The following ABCC8 variants were observed in gnomAD, a reference collection of about 807,000 sequenced individuals.
ABCC8 encodes ATP binding cassette subfamily C member 8.
Under a neutral mutation model 188.0 loss-of-function variants are expected in ABCC8, and 137 were observed. The ratio of observed to expected loss-of-function variants is 0.73; its 90% confidence interval spans 0.63 to 0.84. The LOEUF (loss-of-function observed/expected upper bound fraction) is 0.84. Ranked by LOEUF, ABCC8 falls within the 40% of genes least tolerant of loss-of-function variation. The pLI, the probability that ABCC8 is intolerant of heterozygous loss-of-function variation, is 0.00. For missense variants in ABCC8, 1,750 were observed against 2,072.7 expected (o/e 0.84, Z 3.02); for synonymous variants, 797 against 846.5 (o/e 0.94, Z 1.01).
intron 8 of ABCC8, among the ~76,000 whole-genome samples, chr11:17,445,942 G>C (rs1213944160): frequency 4.0e-5 from 6 of 151,452 alleles, no homozygotes; most frequent in Non-Finnish European, 8.8e-5. Context: ...CCGTGCAGCA[G>C]GTTTAGTAGA....
chr11:17,427,010 G>T lies in ABCC8; in HGVS notation c.2222+39C>A. 2 of 1,608,860 alleles carry T rather than the reference G, an allele frequency of 1.2e-6. No individual in the cohort carries two copies. The highest frequency in any genetic ancestry group is 1.1e-5 in the South Asian group (1 of 90,270). ...CAACTGAGGAGGATGGTTAAAAGGA[G>T]ATTTCCCCTCCACTGGGCCCTGAGG... On this transcript the variant is annotated intron_variant, in intron 16 of 38. Coordinates refer to ENST00000389817, the MANE Select transcript of ABCC8 (RefSeq NM_000352.6). The surrounding 1 kb of genome is among the most constrained non-coding windows in gnomAD (Gnocchi z 5.0).
chr11:17,467,042 CCACACACACACACACACA>C (rs569546580), intron 3 of ABCC8, among the ~76,000 whole-genome samples: 6 of 132,386 alleles, frequency 4.5e-5, no homozygotes, highest in South Asian at 2.7e-4. Context: ...ACATGTTAAA[CCACACACACACACACACA>C]CACACACACA....
chr11:17,438,112 A>C (rs1034726803), intron 10 of ABCC8, among the ~76,000 whole-genome samples: 2 of 152,062 alleles, frequency 1.3e-5, no homozygotes, highest in Admixed American at 6.5e-5. Flanking sequence ...AAACAACAAC[A>C]ACCAAAAGAA....
rs1480852254 is a variant in ABCC8 at position 17,475,035 on chromosome 11, G to A, written c.149-8C>T. On this transcript the variant is annotated splice_region_variant and splice_polypyrimidine_tract_variant and intron_variant, in intron 1 of 38. Transcript: ENST00000389817. ...AGCTCTGACTTCCCCATCCTGCAGGGAGAGACAGTCAGAGGCAGGATGCCT... is the reference window on the plus strand; with the variant it reads ...AGCTCTGACTTCCCCATCCTGCAGGAAGAGACAGTCAGAGGCAGGATGCCT... 1 of 1,614,006 alleles carries A rather than the reference G, an allele frequency of 6.2e-7. No homozygotes were observed. The highest frequency in any genetic ancestry group is 2.2e-5 in the East Asian group (1 of 44,884).
chr11:17,393,465 GAGA>G (rs1953735073), intron 38 of ABCC8, among the ~76,000 whole-genome samples: 1 of 152,178 alleles, frequency 6.6e-6, no homozygotes, highest in African/African-American at 2.4e-5. Context: ...TTGGAACCTG[GAGA>G]AGGAGAGGGG....
rs1165894128 is a variant in ABCC8 at position 17,453,112 on chromosome 11, C to T, written c.1176+7G>A. On this transcript the variant is annotated splice_region_variant and intron_variant, in intron 7 of 38. Coordinates refer to ENST00000389817, the MANE Select transcript of ABCC8 (RefSeq NM_000352.6). ...ATGGCAAAGTGAAAAAATAATCATCCAAGTACCTGTATTGCTCCTCTCAAG... is the reference window on the plus strand; with the variant it reads ...ATGGCAAAGTGAAAAAATAATCATCTAAGTACCTGTATTGCTCCTCTCAAG... 2.5e-6 allele frequency: 4 copies of T among 1,608,512 alleles called. No individual in the cohort carries two copies. The East Asian group carries it at 8.9e-5, about 36-fold the overall frequency.
intron 23 of ABCC8, 110 bp from the exon 24 acceptor site, chr11:17,407,563 T>C: frequency 6.5e-7 from 1 of 1,547,290 alleles, no homozygotes; most frequent in Admixed American, 1.9e-5. Flanking sequence ...ATTTCTACTT[T>C]GTCCCTGCCT....
chr11:17,428,139 T>C, intron 14 of ABCC8, 150 bp downstream of exon 14: 3 of 1,550,820 alleles, frequency 1.9e-6, no homozygotes, highest in Non-Finnish European at 2.6e-6. Flanking sequence ...CCCCACTTGG[T>C]GGTCCCTGGT....
intron 5 of ABCC8, 168 bp downstream of exon 5, chr11:17,461,415 C>A: frequency 1.2e-6 from 1 of 848,574 alleles, no homozygotes; most frequent in African/African-American, 1.7e-5. Flanking sequence ...CTCAGCCCTG[C>A]ACCTGTCCCT....
chr11:17,419,278 C>T (rs780556377), intron 16 of ABCC8, among the ~76,000 whole-genome samples: 1 of 152,334 alleles, frequency 6.6e-6, no homozygotes, highest in African/African-American at 2.4e-5. Flanking sequence ...AAGCACACAG[C>T]TGAAAGCATG....
intron 10 of ABCC8, among the ~76,000 whole-genome samples, chr11:17,433,963 T>A (rs1206291846): frequency 1.3e-5 from 2 of 152,144 alleles, no homozygotes; most frequent in Non-Finnish European, 1.5e-5. Flanking sequence ...GCGTAAGTAT[T>A]ATTGGTGTTC....
chr11:17,434,287 C>T (rs746844011), intron 10 of ABCC8, among the ~76,000 whole-genome samples: 6 of 152,178 alleles, frequency 3.9e-5, no homozygotes, highest in Non-Finnish European at 7.4e-5. Flanking sequence ...GGCTTGACTC[C>T]CAGCCAAAAA....
At chr11:17,441,872 GAGTTCA>G (rs1956329668) in intron 10 of ABCC8, among the ~76,000 whole-genome samples, 1 of 152,178 alleles carries the variant, frequency 6.6e-6, no homozygotes, top group Non-Finnish European at 1.5e-5. Flanking sequence ...ACGAGGTCAG[GAGTTCA>G]AGACTAGCCT....
chr11:17,424,391 T>C (rs4281466), intron 16 of ABCC8, among the ~76,000 whole-genome samples: 53,866 of 152,086 alleles, frequency 0.35, 11,467 homozygotes, highest in East Asian at 0.57. Flanking sequence ...TTGTGTTCCC[T>C]GGGCTGGGGC....
chr11:17,416,982 A>G lies in ABCC8; in HGVS notation c.2223-20T>C, dbSNP rs1370792221. On this transcript the variant is annotated intron_variant, in intron 16 of 38. Coordinates refer to ENST00000389817, the MANE Select transcript of ABCC8 (RefSeq NM_000352.6). ...GGAAGGCTGCTGGGACACAAATGGG[A>G]CAGACCAACACCAGTTAGTTCCCAC... 2 of 1,613,552 alleles carry G rather than the reference A, an allele frequency of 1.2e-6. No homozygotes were observed. The highest frequency in any genetic ancestry group is 1.7e-6 in the Non-Finnish European group (2 of 1,179,972).
At chr11:17,449,729 C>T (rs74744448) in intron 7 of ABCC8, among the ~76,000 whole-genome samples, 6,337 of 152,250 alleles carry the variant, frequency 0.042, 443 homozygotes, top group African/African-American at 0.14. Context: ...GTGGGCTCCC[C>T]GCCCTTAATT....
intron 1 of ABCC8, among the ~76,000 whole-genome samples, chr11:17,476,343 T>G (rs1296907339): frequency 1.3e-5 from 2 of 152,214 alleles, no homozygotes; most frequent in Non-Finnish European, 2.9e-5. Context: ...CTCTTTCCCT[T>G]TTCCCCATCC....
intron 7 of ABCC8, among the ~76,000 whole-genome samples, chr11:17,451,490 C>T (rs919657288): frequency 3.9e-5 from 6 of 152,208 alleles, no homozygotes; most frequent in Non-Finnish European, 7.3e-5. Flanking sequence ...GGGAGGGCAC[C>T]GTTCACACAG....
intron 10 of ABCC8, chr11:17,436,132 T>C (rs1956086597): frequency 1.3e-6 from 1 of 780,764 alleles, no homozygotes; most frequent in Non-Finnish European, 2.3e-6. Flanking sequence ...AGGGCTAAAG[T>C]GGGCTCGGAG....
Sources: gnomAD v4.1 joint callset for allele counts (sites outside exome capture counted in the v4.1 genomes callset) on GRCh38, gnomAD v4.1.1 for gene constraint, Gnocchi (gnomAD v3.1) non-coding constraint, MANE v1.5 for transcripts, NCBI Gene and HGNC (gene_info 2026-07-23, HGNC 2026-07-21) for gene names.